ERBB4: variants seen among roughly 807,000 people sequenced by gnomAD.
ERBB4 encodes the protein erb-b2 receptor tyrosine kinase 4.
A neutral mutation model predicts 158.0 loss-of-function variants in ERBB4; 42 were observed. That is an observed-to-expected ratio of 0.27 (90% CI 0.21 to 0.34). The LOEUF is 0.34. ERBB4 is among the 10% of genes least tolerant of loss of function. The pLI is 1.00. For synonymous variants in ERBB4, 583 were observed against 558.7 expected (o/e 1.04, Z -0.61); for missense variants, 1,333 against 1,624.1 (o/e 0.82, Z 3.08).
At chr2:211,826,436 G>T (rs1473648303) in intron 3 of ERBB4, among the ~76,000 whole-genome samples, 2 of 151,570 alleles carry the variant, frequency 1.3e-5, no homozygotes, top group Non-Finnish European at 1.5e-5. Flanking sequence ...TTTCAATGCA[G>T]GTCCCTATTG....
intron 1 of ERBB4, among the ~76,000 whole-genome samples, chr2:212,212,018 A>C (rs1299428913): frequency 1.3e-5 from 2 of 152,150 alleles, no homozygotes; most frequent in South Asian, 2.1e-4. Context: ...TGCTGCAATA[A>C]ACATACATGT....
At chr2:211,945,211 C>G (rs1402356136) in intron 3 of ERBB4, among the ~76,000 whole-genome samples, 6 of 152,060 alleles carry the variant, frequency 3.9e-5, no homozygotes, top group Non-Finnish European at 1.5e-5. Flanking sequence ...TCCATGTGAA[C>G]TGTTAGGTGT....
chr2:212,075,497 C>A (rs10932418), intron 2 of ERBB4, among the ~76,000 whole-genome samples: 125,305 of 151,810 alleles, frequency 0.83, 53,373 homozygotes, highest in East Asian at 1. Context: ...TGCATATTAG[C>A]CTTCATCTTT....
Position 212,255,161 on chromosome 2 carries a change from T to A in ERBB4, c.83-130258A>T, listed in dbSNP as rs550400847. On this transcript the variant is annotated intron_variant, in intron 1 of 27. Coordinates refer to ENST00000342788, the MANE Select transcript of ERBB4 (RefSeq NM_005235.3). ...GTGCATTAGGCTGTATACCTGAAAA[T>A]CTTCATATTACTGAATACTGTACTA... Among the ~76,000 whole-genome samples, 14 of 152,278 alleles carry A rather than the reference T, an allele frequency of 9.2e-5. No homozygotes were observed. The South Asian group carries it at 2.9e-3, about 32-fold the overall frequency.
intron 1 of ERBB4, among the ~76,000 whole-genome samples, chr2:212,191,489 A>G (rs983919440): frequency 3.3e-5 from 5 of 152,036 alleles, no homozygotes; most frequent in Admixed American, 6.6e-5. Context: ...TATACATGTT[A>G]TACCTGTTAT....
intron 5 of ERBB4, among the ~76,000 whole-genome samples, chr2:211,749,720 A>G (rs982810968): frequency 6.6e-6 from 1 of 152,200 alleles, no homozygotes; most frequent in African/African-American, 2.4e-5. Context: ...AACTAGACAA[A>G]TGTGAACTGA....
intron 1 of ERBB4, among the ~76,000 whole-genome samples, chr2:212,160,689 T>C (rs2081177639): frequency 1.3e-5 from 2 of 152,036 alleles, no homozygotes; most frequent in African/African-American, 4.8e-5. Flanking sequence ...TGTCTAGGTC[T>C]TAGCGCTTTT....
chr2:211,386,904 C>T lies in ERBB4; in HGVS notation c.3430G>A (p.Glu1144Lys). Residue 1144 changes from glutamate (E) to lysine (K), a missense_variant, in exon 27 of 28, where the codon GAG (glutamate) becomes AAG (lysine). Physicochemically the swap from Glu to Lys is moderately conservative, Grantham distance 56. Coordinates refer to ENST00000342788, the MANE Select transcript of ERBB4 (RefSeq NM_005235.3). ...GTCATGTAACCTTCCTCATCCAGCT[C>T]TCCTCGTGGGCTCCGTTCTGGGGCA... ...VFAPERSPRGELDEEGYMTPM... is the reference protein window; with the variant it reads ...VFAPERSPRGKLDEEGYMTPM... 6.2e-7 allele frequency: 1 copy of T among 1,614,206 alleles called. No homozygotes were observed. The highest frequency in any genetic ancestry group is 8.5e-7 in the Non-Finnish European group (1 of 1,180,044).
At chr2:212,126,370 G>A (rs1295463801) in intron 1 of ERBB4, among the ~76,000 whole-genome samples, 1 of 146,694 alleles carries the variant, frequency 6.8e-6, no homozygotes, top group Non-Finnish European at 1.5e-5. Context: ...TGAGGCAGGA[G>A]AATAACTTGA....
intron 20 of ERBB4, among the ~76,000 whole-genome samples, chr2:211,448,606 G>C (rs1187535508): frequency 6.6e-6 from 1 of 152,152 alleles, no homozygotes; most frequent in Non-Finnish European, 1.5e-5. Context: ...AGCAATGTTT[G>C]TTGAGAATGG....
chr2:212,523,153 G>T (rs1474892893), intron 1 of ERBB4, among the ~76,000 whole-genome samples: 4 of 151,720 alleles, frequency 2.6e-5, no homozygotes, highest in African/African-American at 9.7e-5. Context: ...GACTAATAAA[G>T]GTCTACTTTA....
intron 3 of ERBB4, among the ~76,000 whole-genome samples, chr2:211,888,252 G>C (rs1044701216): frequency 6.6e-6 from 1 of 152,142 alleles, no homozygotes; most frequent in African/African-American, 2.4e-5. Flanking sequence ...TAGAACACAG[G>C]CTTCTGAGAT....
At chr2:211,388,418 T>C (rs1302268590) in intron 25 of ERBB4, among the ~76,000 whole-genome samples, 3 of 152,200 alleles carry the variant, frequency 2.0e-5, no homozygotes, top group Non-Finnish European at 4.4e-5. Context: ...AATAAATGTT[T>C]CTGGAAGGAG....
intron 2 of ERBB4, among the ~76,000 whole-genome samples, chr2:212,094,055 C>T (rs1484573938): frequency 1.3e-5 from 2 of 151,652 alleles, no homozygotes; most frequent in African/African-American, 4.8e-5. Flanking sequence ...AATAAGACTC[C>T]TTAGACCATA....
intron 4 of ERBB4, among the ~76,000 whole-genome samples, chr2:211,773,119 C>T (rs896760717): frequency 6.6e-6 from 1 of 150,428 alleles, no homozygotes; most frequent in African/African-American, 2.5e-5. Context: ...AGGGATCAGG[C>T]ACCTGGGTCT....
intron 7 of ERBB4, among the ~76,000 whole-genome samples, chr2:211,714,295 T>C (rs2073823863): frequency 6.6e-6 from 1 of 152,166 alleles, no homozygotes; most frequent in South Asian, 2.1e-4. Flanking sequence ...AAGGACAAAT[T>C]ATTGCACCTA....
At chr2:212,174,417 A>G (rs1405392013) in intron 1 of ERBB4, among the ~76,000 whole-genome samples, 2 of 152,114 alleles carry the variant, frequency 1.3e-5, no homozygotes, top group African/African-American at 4.8e-5. Flanking sequence ...ATTAAATGCT[A>G]TTTCAGAATA....
At chr2:212,065,976 T>A (rs557686623) in intron 2 of ERBB4, among the ~76,000 whole-genome samples, 1 of 151,984 alleles carries the variant, frequency 6.6e-6, no homozygotes, top group Non-Finnish European at 1.5e-5. Context: ...CCAGGAATAT[T>A]AGGTAATTTT....
At chr2:211,554,561 G>A (rs1382858894) in intron 20 of ERBB4, among the ~76,000 whole-genome samples, 4 of 152,182 alleles carry the variant, frequency 2.6e-5, no homozygotes, top group Non-Finnish European at 4.4e-5. Flanking sequence ...GGTGATGCTC[G>A]CCCCACTTTC....
Sources: gnomAD v4.1 joint callset for allele counts (sites outside exome capture counted in the v4.1 genomes callset) on GRCh38, gnomAD v4.1.1 for gene constraint, MANE v1.5 for transcripts, NCBI Gene and HGNC (gene_info 2026-07-23, HGNC 2026-07-21) for gene names.